SESN3: variants seen among roughly 807,000 people sequenced by gnomAD.
SESN3 encodes the protein sestrin 3.
In SESN3, 21 loss-of-function variants were observed where a neutral mutation model predicts 55.3. The ratio of observed to expected loss-of-function variants is 0.38; its 90% CI spans 0.27 to 0.55. SESN3 has a LOEUF of 0.55. Among genes scored for constraint, SESN3 ranks in the 20% least tolerant of loss-of-function variants. The probability of loss-of-function intolerance (pLI) is 0.76; values close to 1 mark genes in which losing one functional copy is unlikely to be tolerated. For missense variants in SESN3, 408 were observed against 604.3 expected (o/e 0.68, Z 3.41); for synonymous variants, 181 against 203.1 (o/e 0.89, Z 0.93).
chr11:95,186,206 G>A (rs1392892314), intron 4 of SESN3, among the ~76,000 whole-genome samples: 1 of 145,392 alleles, frequency 6.9e-6, no homozygotes, highest in Non-Finnish European at 1.5e-5. Flanking sequence ...GTGTGTGTGT[G>A]TGTGTGTGTG....
chr11:95,195,455 T>C (rs1325109176), intron 1 of SESN3, among the ~76,000 whole-genome samples: 1 of 152,150 alleles, frequency 6.6e-6, no homozygotes, highest in Non-Finnish European at 1.5e-5. Context: ...TAGCAAACAT[T>C]AATTGAGCAT....
chr11:95,177,015 A>G (rs1379262106), intron 8 of SESN3, among the ~76,000 whole-genome samples: 1 of 152,180 alleles, frequency 6.6e-6, no homozygotes, highest in African/African-American at 2.4e-5. Flanking sequence ...TCTAATTATC[A>G]TAAAGTCTGT....
chr11:95,190,113 T>C (rs1190210214), intron 3 of SESN3, 152 bp from the exon 4 acceptor site: 4 of 595,574 alleles, frequency 6.7e-6, no homozygotes, highest in South Asian at 2.4e-5. Flanking sequence ...TCCATCATAA[T>C]GATGTAATAG....
chr11:95,201,974 A>G (rs1591064353), intron 1 of SESN3, among the ~76,000 whole-genome samples: 1 of 152,010 alleles, frequency 6.6e-6, no homozygotes, highest in Admixed American at 6.6e-5. Flanking sequence ...TTTTCTCTCT[A>G]TTGAAATGCT....
intron 8 of SESN3, among the ~76,000 whole-genome samples, chr11:95,176,314 G>A (rs1416435092): frequency 1.3e-5 from 2 of 152,148 alleles, no homozygotes; most frequent in Non-Finnish European, 2.9e-5. Context: ...TCAGAGATTT[G>A]CTTCGCACGA....
chr11:95,231,097 C>T lies in SESN3; in HGVS notation c.-237G>A, dbSNP rs537808003. On this transcript the variant is annotated 5_prime_UTR_variant, in exon 1 of 10. Transcript: ENST00000536441. ...CGGCGGCGGCTGCTCCTCACCGGCC[C>T]GTTGTTCCACCCGCCCCCATCTTCC... 499 of 416,082 alleles carry T rather than the reference C, an allele frequency of 1.2e-3. 5 individuals are homozygous for T. Among genetic ancestry groups the T allele is most frequent in the African/African-American group, 9.1e-3 (443 of 48,650 alleles). 25.8% of individuals were successfully genotyped at this position (416,082 alleles called of 1,614,324 possible).
At chr11:95,193,076 G>T (rs910873165) in intron 2 of SESN3, among the ~76,000 whole-genome samples, 1 of 152,062 alleles carries the variant, frequency 6.6e-6, no homozygotes, top group Non-Finnish European at 1.5e-5. Context: ...GCATAAGCAG[G>T]ATAGCTTCTC....
At chr11:95,209,271 C>T (rs1306284309) in intron 1 of SESN3, among the ~76,000 whole-genome samples, 1 of 151,406 alleles carries the variant, frequency 6.6e-6, no homozygotes, top group Non-Finnish European at 1.5e-5. Context: ...TGAACAGACA[C>T]TTCTCAAAAG....
At chr11:95,176,343 T>C (rs1189175776) in intron 8 of SESN3, among the ~76,000 whole-genome samples, 1 of 152,164 alleles carries the variant, frequency 6.6e-6, no homozygotes, top group African/African-American at 2.4e-5. Context: ...AATGAGGCAG[T>C]AGCCAGATGG....
chr11:95,224,296 C>T (rs188025069), intron 1 of SESN3, among the ~76,000 whole-genome samples: 232 of 152,244 alleles, frequency 1.5e-3, no homozygotes, highest in Non-Finnish European at 2.7e-3. Context: ...ATATTAAAAT[C>T]CACTTGTACA....
At chr11:95,213,135 T>G (rs1409086919) in intron 1 of SESN3, among the ~76,000 whole-genome samples, 1 of 146,218 alleles carries the variant, frequency 6.8e-6, no homozygotes, top group Non-Finnish European at 1.5e-5. Context: ...AAAATCTTCA[T>G]AGTCCTAAAA....
intron 1 of SESN3, among the ~76,000 whole-genome samples, chr11:95,218,166 A>G (rs1860793970): frequency 6.6e-6 from 1 of 152,222 alleles, no homozygotes; most frequent in African/African-American, 2.4e-5. Context: ...ACAATAAGAC[A>G]ATTAGTTCAA....
intron 5 of SESN3, 35 bp downstream of exon 5, chr11:95,185,220 CA>C: frequency 7.7e-7 from 1 of 1,300,210 alleles, no homozygotes; most frequent in Non-Finnish European, 1.1e-6. Context: ...AAGTTTAAAG[CA>C]AAAATAGTAA....
chr11:95,185,437 A>G lies in SESN3; in HGVS notation c.581T>C (p.Val194Ala). 6.2e-7 allele frequency: 1 copy of G among 1,613,288 alleles called. No individual in the cohort carries two copies. Among genetic ancestry groups the G allele is most frequent in the Non-Finnish European group, 8.5e-7 (1 of 1,179,422 alleles). Reference protein sequence around the residue: ...NWSLPELVHAVVLLAHYHALA... With the variant: ...NWSLPELVHAAVLLAHYHALA... ...AGCATGATAATGTGCCAGGAGGACC[A>G]CAGCATGTACCAGTTCAGGCAGAGA... is the stretch of plus-strand genomic sequence containing the variant. Residue 194 changes from valine (V) to alanine (A), a missense_variant, in exon 5 of 10, where the codon GTG becomes GCG. Val to Ala is a moderately conservative substitution (Grantham distance 64, BLOSUM62 0). This residue lies in a region of SESN3 where 107 missense variants were observed against 211.3 expected (regional missense o/e 0.51). Coordinates refer to ENST00000536441, the MANE Select transcript of SESN3 (RefSeq NM_144665.4).
intron 5 of SESN3, 70 bp downstream of exon 5, chr11:95,185,186 C>A (rs1860139844): frequency 1.2e-6 from 1 of 856,788 alleles, no homozygotes; most frequent in African/African-American, 1.7e-5. Context: ...GAGAAAAATT[C>A]TCTCTAGATA....
chr11:95,214,597 A>C (rs1357398264), intron 1 of SESN3, among the ~76,000 whole-genome samples: 1 of 151,830 alleles, frequency 6.6e-6, no homozygotes, highest in Non-Finnish European at 1.5e-5. Flanking sequence ...TATAGGTGAA[A>C]GAGAACATCC....
At chr11:95,193,043 C>T (rs183945114) in intron 2 of SESN3, among the ~76,000 whole-genome samples, 14 of 151,886 alleles carry the variant, frequency 9.2e-5, no homozygotes, top group Non-Finnish European at 1.9e-4. Context: ...TTAGAGCAGC[C>T]CCAGGCTATC....
Position 95,189,964 on chromosome 11 carries a change from A to G in SESN3, c.343-3T>C, listed in dbSNP as rs746646802. ...GAACACTGATGTCTAGCTGCAGCCT[A>G]AAGCACAAAGAAAAAAATTCATTGA... On this transcript the variant is annotated splice_region_variant and splice_polypyrimidine_tract_variant and intron_variant, in intron 3 of 9. Coordinates refer to ENST00000536441, the MANE Select transcript of SESN3 (RefSeq NM_144665.4). 14 of 1,580,278 alleles carry G rather than the reference A, an allele frequency of 8.9e-6. No individual in the cohort carries two copies. The South Asian group carries it at 1.6e-4, about 19-fold the overall frequency.
rs916595642 is a variant in SESN3 at position 95,230,462 on chromosome 11, C to T, written c.78+321G>A. ...AGGAGGATCGAACGGATCCCTCCCG[C>T]CCTCCGCCCAAGGAGCCGACCCGGG... On this transcript the variant is annotated intron_variant, in intron 1 of 9. Transcript: ENST00000536441. This position sits in a 1 kb window ranked among gnomAD's most constrained non-coding sequence, Gnocchi z 4.6. 42 of 324,158 alleles carry T rather than the reference C, an allele frequency of 1.3e-4. No individual in the cohort carries two copies. Among genetic ancestry groups the T allele is most frequent in the South Asian group, 1.1e-3 (35 of 31,742 alleles). The allele number at this position is 324,158 out of a possible 1,614,324, so 20.1% of individuals were successfully genotyped here.
Sources: allele counts gnomAD v4.1 joint callset (sites outside exome capture counted in the v4.1 genomes callset), GRCh38; gene constraint gnomAD v4.1.1; regional missense constraint gnomAD v4.1.1; non-coding constraint Gnocchi (gnomAD v3.1); transcripts MANE v1.5; gene names NCBI Gene and HGNC (gene_info 2026-07-23, HGNC 2026-07-21).